The following DNAH11 variants were observed in gnomAD, a reference collection of about 807,000 sequenced individuals.
DNAH11 encodes axonemal beta dynein heavy chain 11.
A neutral mutation model predicts 526.0 loss-of-function variants in DNAH11; 442 were observed. That is an observed-to-expected ratio of 0.84 (90% CI 0.78 to 0.91). The LOEUF is 0.91. Among genes scored for constraint, DNAH11 ranks in the 40% least tolerant of loss-of-function variants. The pLI, the probability that DNAH11 is intolerant of heterozygous loss-of-function variation, is 0.00. For missense variants in DNAH11, 6,989 were observed against 5,448.7 expected, an observed-to-expected ratio of 1.28 and a Z score of -8.90; for synonymous variants, 2,461 against 1,935.9, an observed-to-expected ratio of 1.27 and a Z score of -7.12.
chr7:21,566,201 C>T (rs963961096), intron 6 of DNAH11, among the ~76,000 whole-genome samples: 17 of 152,276 alleles, frequency 1.1e-4, no homozygotes, highest in Admixed American at 1.0e-3. Context: ...ACCCGTAAGC[C>T]TGTAAACTTC....
At position 21,591,404 on chromosome 7, in the gene DNAH11, A is replaced by C; in HGVS notation, c.2494A>C (p.Lys832Gln). 1 of 1,613,908 alleles carries C rather than the reference A, an allele frequency of 6.2e-7. No individual in the cohort carries two copies. The highest frequency in any genetic ancestry group is 8.5e-7 in the Non-Finnish European group (1 of 1,179,878). The change falls in exon 14 of 82, where the codon AAA becomes CAA. Residue 832 changes from lysine to glutamine, a missense_variant. Lys to Gln is a moderately conservative substitution (Grantham distance 53, BLOSUM62 1). Coordinates refer to ENST00000409508, the MANE Select transcript of DNAH11 (RefSeq NM_001277115.2). ...GGAGCACAGAGTTGAGCGCACACAG[A>C]AAAACGTGAAGGTGATCCAGCAGAC... ...ELEHRVERTQ[K>Q]NVKVIQQTMR...
chr7:21,596,308 G>C (rs948133598), intron 14 of DNAH11, among the ~76,000 whole-genome samples: 1 of 152,156 alleles, frequency 6.6e-6, no homozygotes, highest in Non-Finnish European at 1.5e-5. Context: ...GTGTGGGCAG[G>C]GCCATGCTCC....
At chr7:21,557,363 A>G (rs1028754156) in intron 2 of DNAH11, among the ~76,000 whole-genome samples, 2 of 152,224 alleles carry the variant, frequency 1.3e-5, no homozygotes, top group Middle Eastern at 3.4e-3. Flanking sequence ...CACAGACTTG[A>G]TGGTGTATCA....
chr7:21,854,623 A>G (rs887612087), intron 68 of DNAH11, among the ~76,000 whole-genome samples, 168 bp downstream of exon 68: 2 of 151,572 alleles, frequency 1.3e-5, no homozygotes, highest in Non-Finnish European at 2.9e-5. Context: ...GATCATTGCA[A>G]CCTCTGCCTC....
At chr7:21,671,245 A>T (rs542916210) in intron 30 of DNAH11, among the ~76,000 whole-genome samples, 1 of 152,202 alleles carries the variant, frequency 6.6e-6, no homozygotes, top group South Asian at 2.1e-4. Flanking sequence ...CATTTTAAGT[A>T]ATTCAGCATG....
At chr7:21,626,133 C>CCTA (rs1300628858) in intron 25 of DNAH11, among the ~76,000 whole-genome samples, 7 of 151,958 alleles carry the variant, frequency 4.6e-5, no homozygotes, top group African/African-American at 1.7e-4. Context: ...CTGTAGCCAC[C>CCTA]CTACTGATCT....
chr7:21,609,064 G>C lies in DNAH11; in HGVS notation c.3852+2331G>C, dbSNP rs78570214. 2.5e-3 allele frequency among the ~76,000 whole-genome samples: 380 copies of C among 152,242 alleles called. 3 individuals carry two copies. Among genetic ancestry groups the C allele is most frequent in the Non-Finnish European group, 4.3e-3 (290 of 68,030 alleles). ...AAAACACTGACTTTCCACAAATAAG[G>C]AGAACAGTACAGTGAATCCCTCCCT... On this transcript the variant is annotated intron_variant, in intron 20 of 81. Transcript: ENST00000409508.
Position 21,760,491 on chromosome 7 carries a change from A to G in DNAH11, c.8941-4937A>G, listed in dbSNP as rs150514202. ...CTAGACTCTTAATAAGCATTTTACCACATGACTGGTCAAGTTCCAAAATCC... is the reference window on the plus strand; with the variant it reads ...CTAGACTCTTAATAAGCATTTTACCGCATGACTGGTCAAGTTCCAAAATCC... On this transcript the variant is annotated intron_variant, in intron 54 of 81. Coordinates refer to ENST00000409508, the MANE Select transcript of DNAH11 (RefSeq NM_001277115.2). Among the ~76,000 whole-genome samples the G allele has an allele frequency of 2.0e-5, 3 of 152,334 alleles. No homozygotes were observed. In the East Asian group the frequency reaches 5.8e-4, roughly 29 times the overall value.
intron 45 of DNAH11, among the ~76,000 whole-genome samples, chr7:21,730,549 A>G (rs2965370): frequency 0.67 from 102,295 of 152,070 alleles, 34,699 homozygotes; most frequent in Admixed American, 0.73. Context: ...CTTTGCAACA[A>G]CTTGGATGAA....
Position 21,543,242 on chromosome 7 carries a change from C to T in DNAH11, c.-4C>T, listed in dbSNP as rs1270215673. ...GGCCTCGCGTTCCCTCGGACGGTTG[C>T]CCAATGGCAGCCCAGGTGGCAGCCC... On this transcript the variant is annotated 5_prime_UTR_variant, in exon 1 of 82. Coordinates refer to ENST00000409508, the MANE Select transcript of DNAH11 (RefSeq NM_001277115.2). 7.8e-6 allele frequency: 12 copies of T among 1,529,932 alleles called. No individual in the cohort carries two copies. The highest frequency in any genetic ancestry group is 2.0e-5 in the Admixed American group (1 of 49,426). The allele number at this position is 1,529,932 out of a possible 1,614,324, so 94.8% of individuals were successfully genotyped here. A position where few individuals can be genotyped will look rare whatever the true frequency, so the allele number is the denominator to read the frequency against.
chr7:21,713,107 C>A (rs1444481477), intron 42 of DNAH11, among the ~76,000 whole-genome samples: 1 of 152,224 alleles, frequency 6.6e-6, no homozygotes, highest in Non-Finnish European at 1.5e-5. Flanking sequence ...CAAATGCTTA[C>A]ATTTTCTACA....
intron 61 of DNAH11, among the ~76,000 whole-genome samples, chr7:21,793,755 T>C (rs1418992372): frequency 6.6e-6 from 1 of 152,250 alleles, no homozygotes; most frequent in Admixed American, 6.5e-5. Flanking sequence ...ATCTGTCTGT[T>C]AGTGAGCGTA....
chr7:21,559,807 C>G lies in DNAH11; in HGVS notation c.882+15C>G. 6.4e-7 allele frequency: 1 copy of G among 1,568,946 alleles called. No individual in the cohort carries two copies. Among genetic ancestry groups the G allele is most frequent in the Non-Finnish European group, 8.7e-7 (1 of 1,155,264 alleles). ...TTTATGATCAAGTAAGTAGATAGCC[C>G]TAGAAATTATAAATTAAATTAGCAA... On this transcript the variant is annotated intron_variant, in intron 4 of 81. Transcript: ENST00000409508.
chr7:21,725,374 A>C (rs867167426), intron 44 of DNAH11, among the ~76,000 whole-genome samples: 1 of 152,248 alleles, frequency 6.6e-6, no homozygotes, highest in Admixed American at 6.5e-5. Flanking sequence ...TATGAAAATA[A>C]CTATCACCAT....
chr7:21,785,579 T>C (rs1328448071), intron 58 of DNAH11, among the ~76,000 whole-genome samples: 7 of 152,208 alleles, frequency 4.6e-5, no homozygotes, highest in Admixed American at 4.6e-4. Context: ...TAATTGGTCG[T>C]CTCTGAGTAA....
chr7:21,554,170 A>AT (rs746086141), intron 2 of DNAH11, among the ~76,000 whole-genome samples: 6,184 of 110,328 alleles, frequency 0.056, 197 homozygotes, highest in Admixed American at 0.084. Flanking sequence ...GTTCTCTGGG[A>AT]TTTTTTTTTT....
chr7:21,885,774 T>A (rs575873285), intron 76 of DNAH11, among the ~76,000 whole-genome samples: 7 of 152,212 alleles, frequency 4.6e-5, no homozygotes, highest in Non-Finnish European at 7.3e-5. Flanking sequence ...TATGGTGATT[T>A]GAGAACCTCA....
chr7:21,683,694 G>C (rs868727439), intron 31 of DNAH11, 90 bp from the exon 32 acceptor site: 3 of 1,351,938 alleles, frequency 2.2e-6, no homozygotes, highest in Middle Eastern at 1.9e-4. Context: ...GAGAATTTTA[G>C]AAATGTGAAC....
chr7:21,715,847 TA>T (rs1784640930), intron 42 of DNAH11, among the ~76,000 whole-genome samples: 1 of 135,358 alleles, frequency 7.4e-6, no homozygotes, highest in Admixed American at 7.4e-5. Context: ...AGAGGTAATT[TA>T]TCTGATTTCC....
Sources: allele counts gnomAD v4.1 joint callset (sites outside exome capture counted in the v4.1 genomes callset), GRCh38; gene constraint gnomAD v4.1.1; transcripts MANE v1.5; gene names NCBI Gene and HGNC (gene_info 2026-07-23, HGNC 2026-07-21).